Variants in DLGAP4 observed in about 807,000 individuals in gnomAD.
DLGAP4 encodes the protein disks large-associated protein 4.
DLGAP4 carries 18 observed loss-of-function variants against 86.9 expected under a neutral mutation model. The ratio of observed to expected loss-of-function variants is 0.21; its 90% confidence interval spans 0.14 to 0.31. The LOEUF is 0.31. Ranked by LOEUF, DLGAP4 falls within the 10% of genes least tolerant of loss-of-function variation. The pLI is 1.00. For missense variants in DLGAP4, 1,085 were observed against 1,362.6 expected, an observed-to-expected ratio of 0.80 and a Z score of 3.21; for synonymous variants, 548 against 574.3, an observed-to-expected ratio of 0.95 and a Z score of 0.65.
intron 1 of DLGAP4, among the ~76,000 whole-genome samples, chr20:36,320,503 T>A (rs797032028): frequency 6.6e-5 from 10 of 152,218 alleles, no homozygotes; most frequent in African/African-American, 2.4e-4. Context: ...GAGTGGGGGC[T>A]CTGGTTCTCC....
chr20:36,511,091 A>ATCAT (rs2036669552), intron 10 of DLGAP4: 1 of 152,238 alleles, frequency 6.6e-6, no homozygotes, highest in Non-Finnish European at 1.5e-5. Context: ...AAAATATTGA[A>ATCAT]TCTTCTCAAC....
intron 10 of DLGAP4, among the ~76,000 whole-genome samples, chr20:36,504,919 G>A (rs2036294830): frequency 6.6e-6 from 1 of 151,778 alleles, no homozygotes; most frequent in African/African-American, 2.4e-5. Context: ...TATATGATTT[G>A]CAGATACTTT....
intron 1 of DLGAP4, among the ~76,000 whole-genome samples, chr20:36,328,630 G>GT (rs1194729268): frequency 3.3e-5 from 5 of 151,822 alleles, no homozygotes; most frequent in Admixed American, 6.6e-5. Flanking sequence ...TTTATTGTTT[G>GT]TTTTTTTGTT....
At chr20:36,470,024 G>C (rs1317480650) in intron 7 of DLGAP4, among the ~76,000 whole-genome samples, 1 of 152,042 alleles carries the variant, frequency 6.6e-6, no homozygotes, top group Non-Finnish European at 1.5e-5. Flanking sequence ...AATAAAGTAA[G>C]GTCCTAGGAT....
chr20:36,384,650 C>G (rs2031530269), intron 2 of DLGAP4, among the ~76,000 whole-genome samples: 1 of 152,120 alleles, frequency 6.6e-6, no homozygotes, highest in Non-Finnish European at 1.5e-5. Context: ...AACTGATGCA[C>G]AGATGTGGTG....
rs747235286 is a variant in DLGAP4 at position 36,516,668 on chromosome 20, GAAAAAA to G, written c.2513-7564_2513-7559del. Among the ~76,000 whole-genome samples, 5 of 77,072 alleles carry G rather than the reference GAAAAAA, an allele frequency of 6.5e-5. No homozygotes were observed. The South Asian group carries it at 1.7e-3, about 26-fold the overall frequency. The allele number at this position is 77,072 out of a possible 152,430, so 50.6% of individuals were successfully genotyped here. A position where few individuals can be genotyped will look rare whatever the true frequency, so the allele number is the denominator to read the frequency against. On this transcript the variant is annotated intron_variant, in intron 10 of 12. Coordinates refer to ENST00000339266, the MANE Select transcript of DLGAP4 (RefSeq NM_001365621.2). Reference sequence around the variant, plus strand: ...GCAACAGAGCTAGACTCCGTCTCAGGAAAAAAAAAAAAAAAAAAAAAAATTGACAGT... The same window carrying G: ...GCAACAGAGCTAGACTCCGTCTCAGGAAAAAAAAAAAAAAAAATTGACAGT...
intron 1 of DLGAP4, among the ~76,000 whole-genome samples, chr20:36,338,819 CT>C (rs2065347965): frequency 6.6e-6 from 1 of 152,224 alleles, no homozygotes. Context: ...GCCATTTGAG[CT>C]AAACCCTGAG....
intron 2 of DLGAP4, among the ~76,000 whole-genome samples, chr20:36,408,380 G>T (rs553835210): frequency 1.1e-4 from 17 of 152,190 alleles, no homozygotes; most frequent in African/African-American, 3.9e-4. Context: ...TGCACCCGAG[G>T]ACTAAGCGGG....
chr20:36,486,479 C>T (rs980991430), intron 7 of DLGAP4, among the ~76,000 whole-genome samples: 14 of 139,726 alleles, frequency 1.0e-4, no homozygotes, highest in African/African-American at 2.9e-4. Flanking sequence ...AAAGGCCCCA[C>T]GTGGGAACAT....
chr20:36,412,505 G>A (rs577835535), intron 2 of DLGAP4, among the ~76,000 whole-genome samples: 1 of 152,214 alleles, frequency 6.6e-6, no homozygotes, highest in African/African-American at 2.4e-5. Flanking sequence ...CATGGGCTCT[G>A]GAGCCAAATT....
At chr20:36,499,350 T>TTCCCCCCCCCCC in intron 8 of DLGAP4, 8 of 1,544,990 alleles carry the variant, frequency 5.2e-6, no homozygotes, top group Non-Finnish European at 4.4e-6. Flanking sequence ...CTCCACCCCA[T>TTCCCCCCCCCCC]CCCACCTCCC....
At chr20:36,377,532 C>T (rs754495069) in intron 2 of DLGAP4, among the ~76,000 whole-genome samples, 3 of 152,200 alleles carry the variant, frequency 2.0e-5, no homozygotes, top group Admixed American at 6.5e-5. Flanking sequence ...GTGGATGTTG[C>T]GCTAGATTCC....
At chr20:36,392,100 G>A (rs1297953572) in intron 2 of DLGAP4, among the ~76,000 whole-genome samples, 1 of 152,222 alleles carries the variant, frequency 6.6e-6, no homozygotes, top group African/African-American at 2.4e-5. Context: ...GTCTGGTTCA[G>A]AGTGAGGCAG....
Position 36,446,812 on chromosome 20 carries a change from C to G in DLGAP4, c.1523C>G (p.Ser508Cys). 1 of 1,612,828 alleles carries G rather than the reference C, an allele frequency of 6.2e-7. No homozygotes were observed. The highest frequency in any genetic ancestry group is 1.7e-5 in the Admixed American group (1 of 59,946). ...LDLPLPSYFR[S>C]RSHSYLRAIQ... ...TTGCCACTGCCCAGCTACTTCCGCT[C>G]CCGCAGCCACAGCTACCTGCGTGCC... The change falls in exon 7 of 13, where the codon TCC becomes TGC. Residue 508 changes from serine to cysteine, a missense_variant. By Grantham distance (112) the Ser-to-Cys change is moderately radical. This residue lies in a region of DLGAP4 where 1,082 missense variants were observed against 1,344.1 expected (regional missense o/e 0.81). Transcript: ENST00000339266.
At position 36,500,332 on chromosome 20, in the gene DLGAP4, A is replaced by G. The variant is rs754077604; in HGVS notation, c.2233A>G (p.Ile745Val). 1.9e-6 allele frequency: 3 copies of G among 1,613,824 alleles called. No homozygotes were observed. Among genetic ancestry groups the G allele is most frequent in the African/African-American group, 2.7e-5 (2 of 74,948 alleles). The stretch of plus-strand genomic sequence containing the variant: ...TACCCCTCACCCCAACTCCATCAGC[A>G]TCGATGCCGGTCCCCGGCAGGCCCC... The part of the protein sequence containing the change: ...DCTPHPNSIS[I>V]DAGPRQAPKI... Residue 745 changes from isoleucine to valine, a missense_variant, in exon 10 of 13, where the codon ATC (isoleucine) becomes GTC (valine). Coordinates refer to ENST00000339266, the MANE Select transcript of DLGAP4 (RefSeq NM_001365621.2). The surrounding 1 kb of genome is among the most constrained non-coding windows in gnomAD (Gnocchi z 4.6).
At chr20:36,438,703 C>CTTTTT (rs35909803) in intron 4 of DLGAP4, among the ~76,000 whole-genome samples, 4 of 69,530 alleles carry the variant, frequency 5.8e-5, no homozygotes, top group Admixed American at 1.9e-4. Context: ...GTTTCCCCAT[C>CTTTTT]TTTTTTTTTT....
At position 36,479,337 on chromosome 20, in the gene DLGAP4, G is replaced by T. The variant is rs114600151; in HGVS notation, c.1649-17368G>T. Among the ~76,000 whole-genome samples the T allele has an allele frequency of 2.5e-3, 382 of 152,240 alleles. 2 individuals are homozygous for T. Among genetic ancestry groups the T allele is most frequent in the African/African-American group, 8.6e-3 (357 of 41,558 alleles). ...GGGTGAAATGAGAGGGTGGGGTTCT[G>T]CCTCCTAAGTGTCAACAGGCATTCA... On this transcript the variant is annotated intron_variant, in intron 7 of 12. Coordinates refer to ENST00000339266, the MANE Select transcript of DLGAP4 (RefSeq NM_001365621.2).
At chr20:36,397,675 C>A (rs892936913) in intron 2 of DLGAP4, among the ~76,000 whole-genome samples, 3 of 152,126 alleles carry the variant, frequency 2.0e-5, no homozygotes, top group Non-Finnish European at 4.4e-5. Context: ...ATTTCTAAGT[C>A]TTTTCTCATT....
At chr20:36,461,906 G>A (rs1253102980) in intron 7 of DLGAP4, 1 of 984,530 alleles carries the variant, frequency 1.0e-6, no homozygotes, top group Admixed American at 6.2e-5. Context: ...CCCATCTCGG[G>A]TCCCCTTCTC....
Sources: gnomAD v4.1 joint callset for allele counts (sites outside exome capture counted in the v4.1 genomes callset) on GRCh38, gnomAD v4.1.1 for gene constraint, gnomAD v4.1.1 regional missense constraint, Gnocchi (gnomAD v3.1) non-coding constraint, MANE v1.5 for transcripts, NCBI Gene and HGNC (gene_info 2026-07-23, HGNC 2026-07-21) for gene names.